Variants in FSTL4 observed in about 807,000 individuals in gnomAD.
FSTL4 encodes the protein follistatin like 4.
Under a neutral mutation model 78.2 loss-of-function variants are expected in FSTL4, and 28 were observed. The observed-to-expected ratio is 0.36, with a 90% CI of 0.27 to 0.49. FSTL4 has a LOEUF of 0.49. Among genes scored for constraint, FSTL4 ranks in the 20% least tolerant of loss-of-function variants. The pLI is 0.98. For missense variants in FSTL4, 922 were observed against 1,084.9 expected (o/e 0.85, Z 2.11); for synonymous variants, 422 against 440.5 (o/e 0.96, Z 0.53).
intron 4 of FSTL4, among the ~76,000 whole-genome samples, chr5:133,393,749 C>G (rs1554111064): frequency 6.6e-6 from 1 of 152,244 alleles, no homozygotes; most frequent in Non-Finnish European, 1.5e-5. Context: ...CAGTTTCCTA[C>G]TCTTTCCTTA....
the FSTL4 span, among the ~76,000 whole-genome samples, chr5:133,646,874 C>T: frequency 3.7e-4 from 57 of 152,232 alleles, no homozygotes; most frequent in African/African-American, 1.2e-3. Context: ...TCAAAGTCTT[C>T]TGAGTTAGAA....
chr5:133,689,529 A>T, the FSTL4 span, among the ~76,000 whole-genome samples: 2 of 152,228 alleles, frequency 1.3e-5, no homozygotes, highest in Non-Finnish European at 2.9e-5. Context: ...TATTTGGTCT[A>T]CAGATAGTTG....
At chr5:133,505,339 G>A (rs1178847879) in intron 3 of FSTL4, among the ~76,000 whole-genome samples, 1 of 152,188 alleles carries the variant, frequency 6.6e-6, no homozygotes, top group African/African-American at 2.4e-5. Context: ...GAACAGAGGA[G>A]GTTCCTGTCC....
At chr5:133,568,169 T>C (rs1490947845) in intron 2 of FSTL4, among the ~76,000 whole-genome samples, 2 of 151,948 alleles carry the variant, frequency 1.3e-5, no homozygotes, top group Middle Eastern at 3.2e-3. Flanking sequence ...TGAGAACTAA[T>C]GGGGGGAAAG....
At chr5:133,757,034 T>C in the FSTL4 span, among the ~76,000 whole-genome samples, 1 of 152,178 alleles carries the variant, frequency 6.6e-6, no homozygotes, top group Admixed American at 6.5e-5. Context: ...TGGCTCGCCA[T>C]GCTTACAAGA....
chr5:133,662,493 A>T, the FSTL4 span, among the ~76,000 whole-genome samples: 1 of 152,158 alleles, frequency 6.6e-6, no homozygotes, highest in Non-Finnish European at 1.5e-5. Flanking sequence ...TACACCGTGG[A>T]GGGAGGAGGG....
intron 4 of FSTL4, among the ~76,000 whole-genome samples, chr5:133,370,053 C>G (rs903072013): frequency 6.6e-6 from 1 of 152,164 alleles, no homozygotes. Flanking sequence ...AATCCCCCTC[C>G]TCCAGGAAGC....
intron 4 of FSTL4, among the ~76,000 whole-genome samples, chr5:133,317,107 T>G (rs1753926225): frequency 6.6e-6 from 1 of 152,072 alleles, no homozygotes; most frequent in Non-Finnish European, 1.5e-5. Context: ...GAGTTTTAGT[T>G]AACAGGACTA....
At chr5:133,341,557 C>A (rs116065589) in intron 4 of FSTL4, among the ~76,000 whole-genome samples, 12,348 of 152,066 alleles carry the variant, frequency 0.081, 540 homozygotes, top group Non-Finnish European at 0.093. Flanking sequence ...CAGACAGGAA[C>A]CCTTCCCCCT....
chr5:133,427,586 G>A (rs764195265), intron 3 of FSTL4: 1 of 519,274 alleles, frequency 1.9e-6, no homozygotes, highest in Non-Finnish European at 4.0e-6. Context: ...GCGGGGGGAA[G>A]GGCGGGAATG....
chr5:133,827,867 C>G, the FSTL4 span, among the ~76,000 whole-genome samples: 7 of 152,008 alleles, frequency 4.6e-5, no homozygotes, highest in Non-Finnish European at 5.9e-5. Context: ...CTATAAGGAT[C>G]AAGATTTGCC....
intron 11 of FSTL4, among the ~76,000 whole-genome samples, chr5:133,222,018 T>A (rs569380154): frequency 6.6e-6 from 1 of 150,566 alleles, no homozygotes; most frequent in African/African-American, 2.4e-5. Context: ...AATCACTGTT[T>A]TACTTTTTTC....
chr5:133,476,165 A>C (rs1229789855), intron 3 of FSTL4, among the ~76,000 whole-genome samples: 1 of 152,208 alleles, frequency 6.6e-6, no homozygotes, highest in African/African-American at 2.4e-5. Context: ...CTCCCGGATA[A>C]GAGGCTTGCT....
chr5:133,485,461 A>T (rs1404886817), intron 3 of FSTL4, among the ~76,000 whole-genome samples: 1 of 152,246 alleles, frequency 6.6e-6, no homozygotes, highest in Non-Finnish European at 1.5e-5. Context: ...GAACATTGAA[A>T]GTGAAAAGTA....
chr5:133,218,682 T>C (rs1466799800), intron 12 of FSTL4, among the ~76,000 whole-genome samples: 1 of 152,212 alleles, frequency 6.6e-6, no homozygotes, highest in African/African-American at 2.4e-5. Flanking sequence ...CTTCCCCAGA[T>C]ATCTACAGGG....
the FSTL4 span, among the ~76,000 whole-genome samples, chr5:133,730,222 C>A: frequency 6.6e-6 from 1 of 152,208 alleles, no homozygotes; most frequent in Non-Finnish European, 1.5e-5. Context: ...ATCTCTAGGG[C>A]AGTGGCCAGA....
chr5:133,465,313 C>T (rs991069579), intron 3 of FSTL4, among the ~76,000 whole-genome samples: 6 of 152,204 alleles, frequency 3.9e-5, no homozygotes, highest in African/African-American at 9.7e-5. Context: ...AAAGTCTTTC[C>T]TACCTGATTT....
Position 133,249,541 on chromosome 5 carries a change from C to T in FSTL4, c.763G>A (p.Val255Ile). 6.2e-7 allele frequency: 1 copy of T among 1,613,590 alleles called. No homozygotes were observed. The highest frequency in any genetic ancestry group is 8.5e-7 in the Non-Finnish European group (1 of 1,179,734). ...VQLSLAPEDR[V>I]SVTTVTVGLS... ...CCCACGGTCACTGTGGTCACACTGA[C>T]CCTGTCCTCGGGGGCGAGGCTGAGC... is the stretch of plus-strand genomic sequence containing the variant. Residue 255 changes from valine to isoleucine, a missense_variant, in exon 7 of 16, where the codon GTC (valine) becomes ATC (isoleucine). By Grantham distance (29) the Val-to-Ile change is conservative. Coordinates refer to ENST00000265342, the MANE Select transcript of FSTL4 (RefSeq NM_015082.2).
the FSTL4 span, among the ~76,000 whole-genome samples, chr5:133,797,491 G>C: frequency 2.0e-5 from 3 of 152,334 alleles, no homozygotes; most frequent in East Asian, 5.8e-4. Context: ...TGTTCCATCT[G>C]TCTTAGGATC....
Sources: gnomAD v4.1 joint callset for allele counts (sites outside exome capture counted in the v4.1 genomes callset) on GRCh38, gnomAD v4.1.1 for gene constraint, MANE v1.5 for transcripts, NCBI Gene and HGNC (gene_info 2026-07-23, HGNC 2026-07-21) for gene names.